CWF19L2: variants seen among roughly 807,000 people sequenced by gnomAD.
CWF19L2 encodes CWF19-like protein 2.
A neutral mutation model predicts 111.7 loss-of-function variants in CWF19L2; 98 were observed. That is an observed-to-expected ratio of 0.88 (90% CI 0.75 to 1.04). The LOEUF (loss-of-function observed/expected upper bound fraction) is 1.04, where lower values mean the gene tolerates loss of function less well. Among genes scored for constraint, CWF19L2 ranks in the 50% least tolerant of loss-of-function variants. The pLI is 0.00. For missense variants in CWF19L2, 1,101 were observed against 1,051.4 expected (o/e 1.05, Z -0.65); for synonymous variants, 351 against 342.9 (o/e 1.02, Z -0.26).
chr11:107,389,004 C>T (rs1369310458), intron 12 of CWF19L2, among the ~76,000 whole-genome samples: 1 of 152,212 alleles, frequency 6.6e-6, no homozygotes, highest in Non-Finnish European at 1.5e-5. Context: ...GCCCTCTTCC[C>T]CAACACAACA....
chr11:107,358,373 C>G (rs1451865746), intron 12 of CWF19L2, among the ~76,000 whole-genome samples: 1 of 151,392 alleles, frequency 6.6e-6, no homozygotes, highest in South Asian at 2.1e-4. Flanking sequence ...ACAAAAAGCT[C>G]GTAATATTTG....
At chr11:107,403,609 T>C in intron 10 of CWF19L2, 1 of 780,970 alleles carries the variant, frequency 1.3e-6, no homozygotes, top group Non-Finnish European at 2.3e-6. Context: ...GTGTCTTCTC[T>C]GTCTCCATTG....
chr11:107,390,158 A>T lies in CWF19L2; in HGVS notation c.1788T>A (p.Asn596Lys). The T allele has an allele frequency of 6.2e-7, 1 of 1,611,714 alleles. No homozygotes were observed. The highest frequency in any genetic ancestry group is 1.7e-5 in the Admixed American group (1 of 59,928). ...ERVRYFHDDD[N>K]LSLNDLVKNE... ...TTTTGACTAAATCATTTAGGCTTAG[A>T]TTATCATCATCATGAAAGTATCTGA... is the stretch of plus-strand genomic sequence containing the variant. The change falls in exon 12 of 18, where the codon AAT (asparagine) becomes AAA (lysine). Residue 596 changes from asparagine to lysine, a missense_variant. Physicochemically the swap from Asn to Lys is moderately conservative, Grantham distance 94. Transcript: ENST00000282251.
intron 17 of CWF19L2, among the ~76,000 whole-genome samples, chr11:107,327,447 A>T (rs1262283804): frequency 6.6e-6 from 1 of 152,236 alleles, no homozygotes; most frequent in East Asian, 1.9e-4. Flanking sequence ...ACTGCAGTTG[A>T]ATCCCAAGCT....
intron 12 of CWF19L2, among the ~76,000 whole-genome samples, chr11:107,372,831 G>A (rs1055777818): frequency 5.4e-5 from 7 of 130,840 alleles, no homozygotes; most frequent in Admixed American, 2.2e-4. Context: ...CGCAGAAGAC[G>A]GGTGATTTGT....
At chr11:107,340,759 T>C (rs1203166910) in intron 14 of CWF19L2, among the ~76,000 whole-genome samples, 2 of 152,206 alleles carry the variant, frequency 1.3e-5, no homozygotes, top group Admixed American at 6.5e-5. Flanking sequence ...GTTAAACTAG[T>C]ATATTAATTT....
intron 3 of CWF19L2, among the ~76,000 whole-genome samples, chr11:107,451,678 G>A (rs1861780634): frequency 1.3e-5 from 2 of 152,228 alleles, no homozygotes; most frequent in South Asian, 4.1e-4. Context: ...CAATAAATTT[G>A]ACAATTTCTA....
intron 12 of CWF19L2, among the ~76,000 whole-genome samples, chr11:107,361,865 G>C (rs1036998335): frequency 8.5e-5 from 13 of 152,178 alleles, no homozygotes; most frequent in Non-Finnish European, 1.9e-4. Context: ...AGCTCCAAGC[G>C]TGAGAGACGC....
intron 12 of CWF19L2, among the ~76,000 whole-genome samples, chr11:107,373,310 TG>T (rs1265883960): frequency 3.9e-5 from 5 of 129,134 alleles, no homozygotes; most frequent in Non-Finnish European, 6.5e-5. Flanking sequence ...GCTCCACCTC[TG>T]GGGGCAGGGC....
At chr11:107,450,797 A>G (rs79123685) in intron 3 of CWF19L2, among the ~76,000 whole-genome samples, 1,969 of 152,322 alleles carry the variant, frequency 0.013, 26 homozygotes, top group South Asian at 0.039. Context: ...ACTTCGTAAC[A>G]ACAGTCAGTT....
chr11:107,402,558 A>G (rs1414647522), intron 10 of CWF19L2, among the ~76,000 whole-genome samples: 1 of 152,154 alleles, frequency 6.6e-6, no homozygotes, highest in East Asian at 1.9e-4. Flanking sequence ...AAGAATGAGC[A>G]TAATCAAAAA....
intron 12 of CWF19L2, among the ~76,000 whole-genome samples, chr11:107,365,619 C>T (rs1860427358): frequency 1.0e-5 from 1 of 99,982 alleles, no homozygotes; most frequent in African/African-American, 5.2e-5. Context: ...TGACAAAATT[C>T]AACAACGCTT....
chr11:107,426,981 TA>T (rs1861387111), intron 8 of CWF19L2, among the ~76,000 whole-genome samples: 1 of 152,008 alleles, frequency 6.6e-6, no homozygotes, highest in South Asian at 2.1e-4. Context: ...CTATATTGTT[TA>T]AATTTTATAC....
At chr11:107,370,931 T>C (rs970102572) in intron 12 of CWF19L2, among the ~76,000 whole-genome samples, 1 of 137,230 alleles carries the variant, frequency 7.3e-6, no homozygotes, top group Non-Finnish European at 1.6e-5. Context: ...GTCTGTACAA[T>C]ACCTTTAAGA....
At position 107,433,631 on chromosome 11, in the gene CWF19L2, C is replaced by T. The variant is rs1300626264; in HGVS notation, c.780+3G>A. 4 of 1,447,160 alleles carry T rather than the reference C, an allele frequency of 2.8e-6. No individual in the cohort carries two copies. Among genetic ancestry groups the T allele is most frequent in the Non-Finnish European group, 3.8e-6 (4 of 1,063,008 alleles). 89.6% of individuals were successfully genotyped at this position (1,447,160 alleles called of 1,614,324 possible). A position where few individuals can be genotyped will look rare whatever the true frequency, so the allele number is the denominator to read the frequency against. On this transcript the variant is annotated splice_donor_region_variant and intron_variant, in intron 7 of 17. Transcript: ENST00000282251. Reference sequence around the variant, plus strand: ...GAGGCATCTCCTTAAAACAGATACTCACCCCATATCTTTCGGCTACAATGT... The same window carrying T: ...GAGGCATCTCCTTAAAACAGATACTTACCCCATATCTTTCGGCTACAATGT...
chr11:107,429,399 G>A lies in CWF19L2; in HGVS notation c.833C>T (p.Thr278Met), dbSNP rs148810189. The stretch of plus-strand genomic sequence containing the variant: ...CCGTTCCCGTCTATAATCTTCTTTC[G>A]TGGATGCAGCTTTTTCAGCATCTTC... ...KLEDAEKAAS[T>M]KEDYRRERWR... The change falls in exon 8 of 18, where the codon ACG (threonine) becomes ATG (methionine). Residue 278 changes from threonine to methionine, a missense_variant. Thr to Met is a moderately conservative substitution (Grantham distance 81, BLOSUM62 -1). Coordinates refer to ENST00000282251, the MANE Select transcript of CWF19L2 (RefSeq NM_152434.3). 22 of 1,577,520 alleles carry A rather than the reference G, an allele frequency of 1.4e-5. No homozygotes were observed. The East Asian group carries it at 2.0e-4, about 15-fold the overall frequency.
chr11:107,358,343 T>TAA (rs58922291), intron 12 of CWF19L2, among the ~76,000 whole-genome samples: 49 of 131,600 alleles, frequency 3.7e-4, no homozygotes, highest in African/African-American at 1.3e-3. Context: ...ACTGATGAGC[T>TAA]AAAAAAAAAA....
In CWF19L2 at chr11:107,336,804, T is replaced by C. The variant is rs1859932354; in HGVS notation, c.2203-91A>G. 3 of 706,694 alleles carry C rather than the reference T, an allele frequency of 4.2e-6. No homozygotes were observed. The East Asian group carries it at 9.2e-5, about 22-fold the overall frequency. The allele number at this position is 706,694 out of a possible 1,614,324, so 43.8% of individuals were successfully genotyped here. On this transcript the variant is annotated intron_variant, in intron 14 of 17. Transcript: ENST00000282251. The stretch of plus-strand genomic sequence containing the variant: ...GATATTTGAAATATGAAAACTTTAA[T>C]AAAAAAGTACAAATCCCTTTAAAAT...
At chr11:107,450,402 A>G (rs1861761641) in intron 3 of CWF19L2, among the ~76,000 whole-genome samples, 1 of 152,086 alleles carries the variant, frequency 6.6e-6, no homozygotes, top group South Asian at 2.1e-4. Context: ...ACTCATATAT[A>G]TATATCCTGG....
Sources: allele counts gnomAD v4.1 joint callset (sites outside exome capture counted in the v4.1 genomes callset), GRCh38; gene constraint gnomAD v4.1.1; transcripts MANE v1.5; gene names NCBI Gene and HGNC (gene_info 2026-07-23, HGNC 2026-07-21).